Variants in NCKAP1 observed in about 807,000 individuals in gnomAD.
The protein encoded by NCKAP1 is NCK associated protein 1, also known as nck-associated protein 1.
In NCKAP1, 21 loss-of-function variants were observed where a neutral mutation model predicts 151.2. The ratio of observed to expected loss-of-function variants is 0.14; its 90% confidence interval spans 0.10 to 0.20. The LOEUF is 0.20. Ranked by LOEUF, NCKAP1 falls within the 10% of genes least tolerant of loss-of-function variation. NCKAP1 has a pLI of 1.00. For synonymous variants in NCKAP1, 484 were observed against 451.8 expected, an observed-to-expected ratio of 1.07 and a Z score of -0.90; for missense variants, 933 against 1,352.1, an observed-to-expected ratio of 0.69 and a Z score of 4.86.
chr2:182,910,008 G>A lies in NCKAP1; in HGVS notation c.*15694C>T. The A allele has an allele frequency of 6.6e-6, 1 of 152,200 alleles. No homozygotes were observed. Among genetic ancestry groups the A allele is most frequent in the East Asian group, 1.9e-4 (1 of 5,196 alleles). 9.4% of individuals were successfully genotyped at this position (152,200 alleles called of 1,614,324 possible). A position where few individuals can be genotyped will look rare whatever the true frequency, so the allele number is the denominator to read the frequency against. ...TGAAGGCCAAAATACAAAAGAAAAT[G>A]ATAGGGTCGCAGACAGAAAGTTTTA... On this transcript the variant is annotated 3_prime_UTR_variant, in exon 31 of 31. Transcript: ENST00000361354.
intron 12 of NCKAP1, among the ~76,000 whole-genome samples, chr2:182,981,896 A>G (rs1480610684): frequency 1.3e-5 from 2 of 149,170 alleles, no homozygotes; most frequent in Non-Finnish European, 3.0e-5. Context: ...GTGACAGAGT[A>G]AAACTCCGTC....
At chr2:183,017,434 G>T (rs1479960638) in intron 2 of NCKAP1, among the ~76,000 whole-genome samples, 3 of 152,108 alleles carry the variant, frequency 2.0e-5, no homozygotes, top group African/African-American at 7.2e-5. Context: ...CTCCTCAAGA[G>T]CTCGCAACCT....
chr2:183,022,214 G>A (rs925783845), intron 2 of NCKAP1, among the ~76,000 whole-genome samples: 31 of 152,116 alleles, frequency 2.0e-4, no homozygotes, highest in Admixed American at 5.9e-4. Context: ...AAACACATGT[G>A]TAAACTAAGC....
chr2:182,953,025 A>C (rs572599211), intron 21 of NCKAP1, 88 bp downstream of exon 21: 438 of 1,476,264 alleles, frequency 3.0e-4, no homozygotes, highest in Non-Finnish European at 3.7e-4. Flanking sequence ...GATAATATGA[A>C]TAAGTACTTA....
chr2:182,926,783 TTTA>T (rs1696657049), intron 30 of NCKAP1, 30 bp downstream of exon 30: 4 of 1,434,390 alleles, frequency 2.8e-6, no homozygotes, highest in Non-Finnish European at 3.8e-6. Flanking sequence ...CTGGAACTTT[TTTA>T]TTGTTAGTAA....
intron 17 of NCKAP1, among the ~76,000 whole-genome samples, chr2:182,963,137 A>G (rs1239876484): frequency 6.6e-6 from 1 of 152,092 alleles, no homozygotes; most frequent in East Asian, 1.9e-4. Context: ...TAGATCTATT[A>G]TATCTAACGT....
At chr2:182,930,655 C>CT (rs780996766) in intron 27 of NCKAP1, 40 bp downstream of exon 27, 7 of 1,517,442 alleles carry the variant, frequency 4.6e-6, no homozygotes, top group Middle Eastern at 1.7e-4. Flanking sequence ...GCCCTGGTAA[C>CT]TTTAACTAAG....
intron 6 of NCKAP1, among the ~76,000 whole-genome samples, chr2:183,000,622 C>A (rs2105873849): frequency 6.6e-6 from 1 of 152,176 alleles, no homozygotes; most frequent in East Asian, 1.9e-4. Context: ...TTTTAAATTT[C>A]AAAACTGATG....
chr2:182,977,317 C>T (rs1324355490), intron 14 of NCKAP1, among the ~76,000 whole-genome samples: 1 of 152,104 alleles, frequency 6.6e-6, no homozygotes. Flanking sequence ...TAGTGAAACC[C>T]CATCTCTACT....
At position 182,952,812 on chromosome 2, in the gene NCKAP1, C is replaced by T; in HGVS notation, c.2484G>A (p.Glu828=). The T allele has an allele frequency of 1.9e-6, 3 of 1,608,766 alleles. No homozygotes were observed. Among genetic ancestry groups the T allele is most frequent in the Non-Finnish European group, 2.5e-6 (3 of 1,177,354 alleles). ...ATTCACCTGATATGTCAGAATATTC[C>T]TCTGCATTGAATGTTAATTCATTTT... The part of the protein sequence containing the change: ...PTENELTFNA[E]EYSDISEMRS... The change falls in exon 22 of 31, where the codon GAG becomes GAA. Residue 828 remains glutamate, a synonymous_variant. Coordinates refer to ENST00000361354, the MANE Select transcript of NCKAP1 (RefSeq NM_013436.5).
Position 182,925,565 on chromosome 2 carries a change from G to GAAAATACCAATAAAAAACCAA in NCKAP1, c.*136_*137insTTGGTTTTTTATTGGTATTTT. The GAAAATACCAATAAAAAACCAA allele has an allele frequency of 2.1e-6, 1 of 479,752 alleles. No individual in the cohort carries two copies. The highest frequency in any genetic ancestry group is 4.8e-5 in the South Asian group (1 of 20,654). 29.7% of individuals were successfully genotyped at this position (479,752 alleles called of 1,614,324 possible). A position where few individuals can be genotyped will look rare whatever the true frequency, so the allele number is the denominator to read the frequency against. The stretch of plus-strand genomic sequence containing the variant: ...AGTACAACCATATTAAGAAACCAAT[G>GAAAATACCAATAAAAAACCAA]ATCAGAAAATACAACCGTATGAAAG... On this transcript the variant is annotated 3_prime_UTR_variant, in exon 31 of 31. Transcript: ENST00000361354.
chr2:182,968,350 T>C (rs1260736049), intron 15 of NCKAP1, among the ~76,000 whole-genome samples: 2 of 152,114 alleles, frequency 1.3e-5, no homozygotes, highest in African/African-American at 2.4e-5. Context: ...TAATTAGATA[T>C]AGTGGGAAAC....
chr2:182,990,351 T>C (rs551699882), intron 8 of NCKAP1, among the ~76,000 whole-genome samples: 26 of 152,290 alleles, frequency 1.7e-4, no homozygotes, highest in African/African-American at 6.0e-4. Context: ...ATGCTTCTTA[T>C]AGTTGAAGAA....
intron 2 of NCKAP1, among the ~76,000 whole-genome samples, chr2:183,021,657 C>T (rs184258578): frequency 6.6e-6 from 1 of 152,158 alleles, no homozygotes; most frequent in Non-Finnish European, 1.5e-5. Context: ...TTGGATAAAC[C>T]TTGAAAATAT....
intron 6 of NCKAP1, 105 bp downstream of exon 6, chr2:183,001,848 C>A (rs180781454): frequency 2.0e-4 from 177 of 879,168 alleles, no homozygotes; most frequent in Non-Finnish European, 2.4e-4. Context: ...TACTTATATC[C>A]CATTATAGTA....
intron 18 of NCKAP1, among the ~76,000 whole-genome samples, chr2:182,958,264 G>A (rs1482101634): frequency 6.6e-6 from 1 of 152,110 alleles, no homozygotes; most frequent in Non-Finnish European, 1.5e-5. Context: ...TCAGCCTCCT[G>A]AGCTGCTGGG....
rs548314305 is a variant in NCKAP1 at position 182,916,897 on chromosome 2, T to C, written c.*8805A>G. ...AATCTTTCCCATTTAAGATAAAGACTCCGATCAGAGCTATAGAATAGACTA... is the reference window on the plus strand; with the variant it reads ...AATCTTTCCCATTTAAGATAAAGACCCCGATCAGAGCTATAGAATAGACTA... On this transcript the variant is annotated 3_prime_UTR_variant, in exon 31 of 31. Coordinates refer to ENST00000361354, the MANE Select transcript of NCKAP1 (RefSeq NM_013436.5). The C allele has an allele frequency of 1.4e-4, 21 of 152,270 alleles. No individual in the cohort carries two copies. The highest frequency in any genetic ancestry group is 7.2e-4 in the Admixed American group (11 of 15,290). The allele number at this position is 152,270 out of a possible 1,614,324, so 9.4% of individuals were successfully genotyped here. A position where few individuals can be genotyped will look rare whatever the true frequency, so the allele number is the denominator to read the frequency against.
intron 1 of NCKAP1, among the ~76,000 whole-genome samples, chr2:183,028,882 G>A (rs1207213071): frequency 6.6e-6 from 1 of 152,016 alleles, no homozygotes. Flanking sequence ...GGGAGGCCGA[G>A]GTGGGCAGAT....
chr2:182,933,186 T>C (rs530379958), intron 26 of NCKAP1, among the ~76,000 whole-genome samples: 124 of 152,188 alleles, frequency 8.1e-4, no homozygotes, highest in African/African-American at 2.7e-3. Flanking sequence ...ACAGGCAGGA[T>C]TTCAAAAGGC....
Sources: gnomAD v4.1 joint callset for allele counts (sites outside exome capture counted in the v4.1 genomes callset) on GRCh38, gnomAD v4.1.1 for gene constraint, MANE v1.5 for transcripts, NCBI Gene and HGNC (gene_info 2026-07-23, HGNC 2026-07-21) for gene names.